The following ARAP2 variants were observed in gnomAD, a reference collection of about 807,000 sequenced individuals.
ARAP2 encodes the protein arf-GAP with Rho-GAP domain, ANK repeat and PH domain-containing protein 2.
A neutral mutation model predicts 194.5 loss-of-function variants in ARAP2; 148 were observed. That is an observed-to-expected ratio of 0.76 (90% CI 0.67 to 0.87). The LOEUF (loss-of-function observed/expected upper bound fraction) is 0.87. ARAP2 is among the 40% of genes least tolerant of loss of function. The pLI is 0.00. For synonymous variants in ARAP2, 695 were observed against 683.5 expected (o/e 1.02, Z -0.26); for missense variants, 2,128 against 1,989.7 (o/e 1.07, Z -1.32).
intron 6 of ARAP2, among the ~76,000 whole-genome samples, chr4:36,196,358 T>G (rs1743112827): frequency 6.6e-6 from 1 of 152,118 alleles, no homozygotes; most frequent in Non-Finnish European, 1.5e-5. Flanking sequence ...TAAGGATCAG[T>G]CGAAGATGCA....
chr4:36,125,368 A>G (rs1723640320), intron 21 of ARAP2, among the ~76,000 whole-genome samples: 1 of 151,954 alleles, frequency 6.6e-6, no homozygotes, highest in South Asian at 2.1e-4. Flanking sequence ...GGCTATGGAA[A>G]TGTTTTATCA....
intron 19 of ARAP2, among the ~76,000 whole-genome samples, chr4:36,134,434 C>T (rs1043903648): frequency 1.3e-5 from 2 of 151,552 alleles, no homozygotes; most frequent in African/African-American, 4.8e-5. Flanking sequence ...AATGTATTCA[C>T]TCTGTCTCCT....
intron 31 of ARAP2, 140 bp from the exon 32 acceptor site, chr4:36,073,963 T>C: frequency 9.2e-7 from 1 of 1,082,454 alleles, no homozygotes; most frequent in Non-Finnish European, 1.3e-6. Flanking sequence ...GATTATGATG[T>C]TGACTCTGGT....
At position 36,244,475 on chromosome 4, in the gene ARAP2, C is replaced by T. The variant is rs1325805504; in HGVS notation, c.-456G>A. 1 of 150,850 alleles carries T rather than the reference C, an allele frequency of 6.6e-6. No individual in the cohort carries two copies. The highest frequency in any genetic ancestry group is 1.5e-5 in the Non-Finnish European group (1 of 67,554). 9.3% of individuals were successfully genotyped at this position (150,850 alleles called of 1,614,324 possible). A position where few individuals can be genotyped will look rare whatever the true frequency, so the allele number is the denominator to read the frequency against. On this transcript the variant is annotated 5_prime_UTR_variant, in exon 1 of 33. Coordinates refer to ENST00000303965, the MANE Select transcript of ARAP2 (RefSeq NM_015230.4). ...CGCCGAGCCCGGCGCCCGCGCCTTGCTCAGGTGCTCCCGCGCCTCGCCTCG... is the reference window on the plus strand; with the variant it reads ...CGCCGAGCCCGGCGCCCGCGCCTTGTTCAGGTGCTCCCGCGCCTCGCCTCG...
At chr4:36,149,748 A>C (rs764345299) in intron 16 of ARAP2, among the ~76,000 whole-genome samples, 42 of 152,190 alleles carry the variant, frequency 2.8e-4, no homozygotes, top group Admixed American at 1.8e-3. Context: ...AACAAAAACA[A>C]GTCAATTAAT....
At chr4:36,144,469 G>A (rs1364815149) in intron 19 of ARAP2, among the ~76,000 whole-genome samples, 3 of 151,768 alleles carry the variant, frequency 2.0e-5, no homozygotes, top group Admixed American at 6.6e-5. Flanking sequence ...TCACGGTATA[G>A]TGAAATCATC....
intron 3 of ARAP2, among the ~76,000 whole-genome samples, chr4:36,213,914 T>G (rs1159303553): frequency 6.6e-6 from 1 of 152,154 alleles, no homozygotes; most frequent in African/African-American, 2.4e-5. Flanking sequence ...GCATTTCTAC[T>G]CTGGCAAAAA....
intron 1 of ARAP2, among the ~76,000 whole-genome samples, chr4:36,237,488 G>C (rs1052468936): frequency 2.6e-5 from 4 of 152,220 alleles, no homozygotes; most frequent in Non-Finnish European, 5.9e-5. Context: ...TGAATGGTTT[G>C]TGTGGTCCTT....
intron 2 of ARAP2, 125 bp downstream of exon 2, chr4:36,228,448 TAAAAGAAAA>T: frequency 2.1e-6 from 2 of 932,644 alleles, no homozygotes; most frequent in Non-Finnish European, 1.5e-6. Context: ...ACTTTTTTTT[TAAAAGAAAA>T]GGTTGGTTGA....
chr4:36,133,280 T>G lies in ARAP2; in HGVS notation c.3373A>C (p.Lys1125Gln), dbSNP rs1394558730. Residue 1125 changes from lysine to glutamine, a missense_variant, in exon 20 of 33, where the codon AAA becomes CAA. By Grantham distance (53) the Lys-to-Gln change is moderately conservative. Transcript: ENST00000303965. ...TTCACTATAATGGGAACGTCATTTT[T>G]GCTGAGCTGCTGATCTTGTAAAGCA... ...GNALQDQQLS[K>Q]NDVPIIVNSC... 2.5e-6 allele frequency: 4 copies of G among 1,611,366 alleles called. No individual in the cohort carries two copies. The highest frequency in any genetic ancestry group is 8.5e-7 in the Non-Finnish European group (1 of 1,178,304).
At chr4:36,209,409 A>G in intron 6 of ARAP2, 1 of 453,134 alleles carries the variant, frequency 2.2e-6, no homozygotes, top group Non-Finnish European at 4.4e-6. Context: ...TTCAAAATCA[A>G]ATTTCCTAAA....
intron 32 of ARAP2, among the ~76,000 whole-genome samples, chr4:36,070,038 C>A (rs1726457437): frequency 2.0e-5 from 3 of 152,152 alleles, no homozygotes; most frequent in African/African-American, 7.2e-5. Flanking sequence ...AGAAGCCAAG[C>A]AGATGCCACC....
intron 5 of ARAP2, among the ~76,000 whole-genome samples, chr4:36,035,960 G>A (rs1428083039): frequency 6.6e-6 from 1 of 152,062 alleles, no homozygotes; most frequent in Non-Finnish European, 1.5e-5. Flanking sequence ...TGCAGAGTCT[G>A]TTTCTGAAAT....
intron 19 of ARAP2, among the ~76,000 whole-genome samples, chr4:36,134,849 TA>T (rs1420382791): frequency 6.6e-6 from 1 of 151,610 alleles, no homozygotes; most frequent in African/African-American, 2.4e-5. Flanking sequence ...TAAAACTCCT[TA>T]ACACTGTTCC....
In ARAP2 at chr4:36,160,495, A is replaced by C. The variant is rs1284168104; in HGVS notation, c.2406T>G (p.Thr802=). 1.9e-6 allele frequency: 3 copies of C among 1,570,798 alleles called. No homozygotes were observed. Among genetic ancestry groups the C allele is most frequent in the Admixed American group, 2.0e-5 (1 of 51,190 alleles). The part of the protein sequence containing the change: ...QKYKEGKFRK[T]LLASLTKEEL... Reference sequence around the variant, plus strand: ...CTTCTTTGGTGAGAGATGCCAAAAGAGTTTTTCTGAATTTTCCTTCTTTAT... The same window carrying C: ...CTTCTTTGGTGAGAGATGCCAAAAGCGTTTTTCTGAATTTTCCTTCTTTAT... The change falls in exon 13 of 33, where the codon ACT becomes ACG. Residue 802 remains threonine (T), a synonymous_variant. Coordinates refer to ENST00000303965, the MANE Select transcript of ARAP2 (RefSeq NM_015230.4).
chr4:36,196,063 A>G (rs1413720163), intron 6 of ARAP2, among the ~76,000 whole-genome samples: 1 of 152,242 alleles, frequency 6.6e-6, no homozygotes, highest in Admixed American at 6.5e-5. Context: ...GCATCTTTTA[A>G]AAGAACGGTT....
intron 8 of ARAP2, among the ~76,000 whole-genome samples, chr4:36,013,873 TTAAA>T (rs1347382566): frequency 1.3e-5 from 2 of 152,122 alleles, no homozygotes; most frequent in Admixed American, 6.6e-5. Flanking sequence ...ATCAAAAACA[TTAAA>T]TAAATAAGTT....
At chr4:36,034,573 A>C (rs912209490) in intron 5 of ARAP2, among the ~76,000 whole-genome samples, 1 of 152,102 alleles carries the variant, frequency 6.6e-6, no homozygotes, top group African/African-American at 2.4e-5. Context: ...TATGTATAAA[A>C]TCATATTTCC....
intron 17 of ARAP2, 115 bp downstream of exon 17, chr4:36,148,290 T>A (rs1238587625): frequency 1.4e-6 from 1 of 704,464 alleles, no homozygotes; most frequent in Non-Finnish European, 2.3e-6. Flanking sequence ...TAATGAAGTA[T>A]GAACTTTATT....
Sources: gnomAD v4.1 joint callset for allele counts (sites outside exome capture counted in the v4.1 genomes callset) on GRCh38, gnomAD v4.1.1 for gene constraint, MANE v1.5 for transcripts, NCBI Gene and HGNC (gene_info 2026-07-23, HGNC 2026-07-21) for gene names.